Variants in DOCK9 observed in about 807,000 individuals in gnomAD.
The protein encoded by DOCK9 is dedicator of cytokinesis protein 9.
DOCK9 carries 89 observed loss-of-function variants against 263.3 expected under a neutral mutation model. The ratio of observed to expected loss-of-function variants is 0.34; its 90% CI spans 0.28 to 0.40. The LOEUF (loss-of-function observed/expected upper bound fraction) is 0.40. Ranked by LOEUF, DOCK9 falls within the 10% of genes least tolerant of loss-of-function variation. The probability of loss-of-function intolerance (pLI) is 1.00; values close to 1 mark genes in which losing one functional copy is unlikely to be tolerated. For synonymous variants in DOCK9, 976 were observed against 973.1 expected (o/e 1.00, Z -0.06); for missense variants, 2,140 against 2,603.4 (o/e 0.82, Z 3.87).
Position 98,800,476 on chromosome 13 carries a change from T to C in DOCK9, c.5728A>G (p.Ile1910Val), listed in dbSNP as rs1436378734. ...QCKRRTILTA[I>V]HCFPYVKKRI... The stretch of plus-strand genomic sequence containing the variant: ...TTCTTCACATAAGGGAAGCAGTGTA[T>C]GGCTGCAGAGGGTAAGCCCCAGAAT... Residue 1910 changes from isoleucine to valine, a missense_variant and splice_region_variant, in exon 50 of 53, where the codon ATA (isoleucine) becomes GTA (valine). Transcript: ENST00000682017. 2 of 1,613,808 alleles carry C rather than the reference T, an allele frequency of 1.2e-6. No individual in the cohort carries two copies. The highest frequency in any genetic ancestry group is 3.3e-5 in the Admixed American group (2 of 60,026).
At chr13:98,811,513 G>T (rs573907406) in intron 45 of DOCK9, among the ~76,000 whole-genome samples, 1 of 152,064 alleles carries the variant, frequency 6.6e-6, no homozygotes, top group South Asian at 2.1e-4. Flanking sequence ...CATGATCTTG[G>T]CTCACTGTAA....
intron 31 of DOCK9, 73 bp downstream of exon 31, chr13:98,863,297 T>G (rs1381953074): frequency 6.4e-7 from 1 of 1,555,214 alleles, no homozygotes; most frequent in East Asian, 2.3e-5. Flanking sequence ...ATTTTCTAAC[T>G]GATTACTTTC....
At chr13:98,970,615 C>T (rs942507611) in intron 1 of DOCK9, among the ~76,000 whole-genome samples, 1 of 152,138 alleles carries the variant, frequency 6.6e-6, no homozygotes, top group African/African-American at 2.4e-5. Flanking sequence ...CTGGCAGAGC[C>T]CTTGAGACCC....
At chr13:99,037,466 T>TGTTG (rs1888010024) in intron 1 of DOCK9, among the ~76,000 whole-genome samples, 1 of 152,156 alleles carries the variant, frequency 6.6e-6, no homozygotes, top group Non-Finnish European at 1.5e-5. Context: ...CCATACAAAG[T>TGTTG]GTTGGCAAGG....
At chr13:98,935,308 A>AGT (rs1300118551) in intron 2 of DOCK9, among the ~76,000 whole-genome samples, 1 of 152,252 alleles carries the variant, frequency 6.6e-6, no homozygotes, top group African/African-American at 2.4e-5. Context: ...ATATCCATTA[A>AGT]GTCCTAGAAC....
At chr13:98,914,660 A>G (rs1034691419) in intron 8 of DOCK9, among the ~76,000 whole-genome samples, 14 of 152,206 alleles carry the variant, frequency 9.2e-5, no homozygotes, top group Admixed American at 3.3e-4. Flanking sequence ...GCCCACATGG[A>G]CACGTCCATG....
chr13:99,020,392 T>C (rs1227292888), intron 1 of DOCK9, among the ~76,000 whole-genome samples: 1 of 152,086 alleles, frequency 6.6e-6, no homozygotes, highest in East Asian at 1.9e-4. Context: ...GGGTGTGCAT[T>C]TTAGACCTGG....
At chr13:98,975,678 C>T (rs776153217) in intron 1 of DOCK9, among the ~76,000 whole-genome samples, 2 of 152,086 alleles carry the variant, frequency 1.3e-5, no homozygotes, top group Middle Eastern at 3.2e-3. Flanking sequence ...TAATTTTATC[C>T]GTTTTAATTT....
At chr13:98,822,133 A>G (rs1199332885) in intron 45 of DOCK9, among the ~76,000 whole-genome samples, 1 of 152,152 alleles carries the variant, frequency 6.6e-6, no homozygotes, top group Non-Finnish European at 1.5e-5. Flanking sequence ...CCTAATCACC[A>G]CAGATTGTCA....
chr13:98,862,544 C>T (rs2093903884), intron 32 of DOCK9, among the ~76,000 whole-genome samples: 1 of 151,978 alleles, frequency 6.6e-6, no homozygotes, highest in Non-Finnish European at 1.5e-5. Flanking sequence ...AAAAAATTGG[C>T]CGGATGTGGT....
At chr13:98,978,189 C>T, upstream of DOCK9, 5 of 1,011,306 alleles carry the variant, frequency 4.9e-6, no homozygotes, top group Non-Finnish European at 6.5e-6. Flanking sequence ...ACACAGTGTA[C>T]TGCCTCTCTG....
chr13:99,067,091 G>T (rs1371734946), intron 1 of DOCK9, among the ~76,000 whole-genome samples: 1 of 152,160 alleles, frequency 6.6e-6, no homozygotes, highest in Admixed American at 6.5e-5. Context: ...CCTTCCAGGA[G>T]CAAAATAGCC....
intron 1 of DOCK9, among the ~76,000 whole-genome samples, chr13:99,003,023 G>A (rs1882676637): frequency 6.6e-6 from 1 of 152,118 alleles, no homozygotes; most frequent in South Asian, 2.1e-4. Context: ...ATGGAGGGAG[G>A]GGAGGGGAGG....
intron 1 of DOCK9, among the ~76,000 whole-genome samples, chr13:99,055,436 G>A (rs940815103): frequency 2.6e-5 from 4 of 152,184 alleles, no homozygotes; most frequent in Non-Finnish European, 5.9e-5. Flanking sequence ...CGTTGGCTGG[G>A]CAGCCTCCAG....
At chr13:98,832,434 G>A (rs1408977870) in intron 39 of DOCK9, among the ~76,000 whole-genome samples, 1 of 152,100 alleles carries the variant, frequency 6.6e-6, no homozygotes, top group Non-Finnish European at 1.5e-5. Context: ...GAAACCATCT[G>A]ACGCATACTT....
At chr13:98,905,255 A>G (rs2048907687) in intron 9 of DOCK9, among the ~76,000 whole-genome samples, 1 of 152,258 alleles carries the variant, frequency 6.6e-6, no homozygotes, top group African/African-American at 2.4e-5. Flanking sequence ...TTCAATAAAT[A>G]TTCATTAAGC....
chr13:99,014,344 A>T (rs534359371), intron 1 of DOCK9, among the ~76,000 whole-genome samples: 1 of 152,380 alleles, frequency 6.6e-6, no homozygotes, highest in Non-Finnish European at 1.5e-5. Context: ...CTCAGAGCTT[A>T]AAATATTTAA....
chr13:98,924,792 C>T (rs1237145140), intron 4 of DOCK9, among the ~76,000 whole-genome samples: 3 of 152,182 alleles, frequency 2.0e-5, no homozygotes, highest in Non-Finnish European at 4.4e-5. Context: ...TTTGAAGCAG[C>T]ACAAAAGTCT....
Position 98,897,405 on chromosome 13 carries a change from C to G in DOCK9, c.1709+83G>C, listed in dbSNP as rs2047604110. 33 of 1,555,946 alleles carry G rather than the reference C, an allele frequency of 2.1e-5. 1 individual carries two copies. The South Asian group carries it at 3.8e-4, about 18-fold the overall frequency. ...CCCCTCTGATGTCTAAATCGAGCAA[C>G]CTAAGTGACTGCTCCCCTGTTCCTC... On this transcript the variant is annotated intron_variant, in intron 15 of 52. Coordinates refer to ENST00000682017, the MANE Select transcript of DOCK9 (RefSeq NM_001366683.2).
Sources: allele counts gnomAD v4.1 joint callset (sites outside exome capture counted in the v4.1 genomes callset), GRCh38; gene constraint gnomAD v4.1.1; transcripts MANE v1.5; gene names NCBI Gene and HGNC (gene_info 2026-07-23, HGNC 2026-07-21).